Variants in GLYATL2 observed in about 807,000 individuals in gnomAD.
The protein encoded by GLYATL2 is glycine-N-acyltransferase like 2, also known as glycine N-acyltransferase-like protein 2.
GLYATL2 carries 25 observed loss-of-function variants against 21.4 expected under a neutral mutation model. The observed-to-expected ratio is 1.17, with a 90% CI of 0.85 to 1.63. The LOEUF (loss-of-function observed/expected upper bound fraction) is 1.63. GLYATL2 is among the 40% of genes most tolerant of loss of function. The pLI, the probability that GLYATL2 is intolerant of heterozygous loss-of-function variation, is 0.00. For synonymous variants in GLYATL2, 114 were observed against 118.2 expected, an observed-to-expected ratio of 0.96 and a Z score of 0.23; for missense variants, 361 against 343.3, an observed-to-expected ratio of 1.05 and a Z score of -0.41.
chr11:58,863,667 T>C (rs1590731450), intron 1 of GLYATL2, among the ~76,000 whole-genome samples: 1 of 152,142 alleles, frequency 6.6e-6, no homozygotes, highest in Non-Finnish European at 1.5e-5. Flanking sequence ...GAGGCTGGCC[T>C]AGAAGCTGGG....
At chr11:58,906,407 A>C (rs1854886807), upstream of GLYATL2, among the ~76,000 whole-genome samples, 1 of 152,188 alleles carries the variant, frequency 6.6e-6, no homozygotes, top group African/African-American at 2.4e-5. Context: ...GGTTCGGTTA[A>C]GCAGAGCAGA....
At chr11:58,884,479 A>G (rs1249558260) in intron 1 of GLYATL2, among the ~76,000 whole-genome samples, 1 of 152,236 alleles carries the variant, frequency 6.6e-6, no homozygotes, top group Admixed American at 6.5e-5. Context: ...CAAAGAGAAT[A>G]AAATACCTAG....
At chr11:58,894,985 A>G (rs1854610356) in intron 1 of GLYATL2, among the ~76,000 whole-genome samples, 1 of 152,270 alleles carries the variant, frequency 6.6e-6, no homozygotes, top group Non-Finnish European at 1.5e-5. Context: ...TGACAAAAGA[A>G]GACAAAGCGA....
chr11:58,844,743 C>G (rs1326208845), upstream of GLYATL2: 1 of 152,222 alleles, frequency 6.6e-6, no homozygotes, highest in Non-Finnish European at 1.5e-5. Context: ...TATATAACCT[C>G]TTGTAGCTGA....
intron 1 of GLYATL2, among the ~76,000 whole-genome samples, chr11:58,851,974 G>A (rs1053395663): frequency 1.4e-4 from 21 of 152,186 alleles, no homozygotes; most frequent in African/African-American, 5.1e-4. Flanking sequence ...GTCATTGATT[G>A]AGAAAGAGTG....
chr11:58,896,091 G>A (rs1453313661), intron 1 of GLYATL2, among the ~76,000 whole-genome samples: 50 of 152,114 alleles, frequency 3.3e-4, no homozygotes, highest in Non-Finnish European at 5.9e-5. Flanking sequence ...TTCTGACCTT[G>A]TGATCCACCC....
At chr11:58,865,059 G>C (rs1026278345) in intron 1 of GLYATL2, among the ~76,000 whole-genome samples, 1 of 148,704 alleles carries the variant, frequency 6.7e-6, no homozygotes, top group Admixed American at 6.9e-5. Flanking sequence ...GGTTTCATGA[G>C]TATGTATTCA....
intron 1 of GLYATL2, among the ~76,000 whole-genome samples, chr11:58,864,101 A>G (rs1435210442): frequency 6.6e-6 from 1 of 152,138 alleles, no homozygotes; most frequent in Non-Finnish European, 1.5e-5. Flanking sequence ...CCTAGGGTGG[A>G]CTTGGAGTCT....
chr11:58,888,043 C>T (rs1440239681), intron 1 of GLYATL2, among the ~76,000 whole-genome samples: 1 of 152,096 alleles, frequency 6.6e-6, no homozygotes, highest in Admixed American at 6.6e-5. Flanking sequence ...AAGATGGCAT[C>T]TTATTGTAGA....
At chr11:58,840,124 G>T (rs1853518887) in intron 1 of GLYATL2, among the ~76,000 whole-genome samples, 1 of 151,622 alleles carries the variant, frequency 6.6e-6, no homozygotes, top group South Asian at 2.1e-4. Flanking sequence ...AAATCTTGCA[G>T]ACTATATTGT....
At chr11:58,859,374 G>T (rs1299566006) in intron 1 of GLYATL2, among the ~76,000 whole-genome samples, 1 of 152,020 alleles carries the variant, frequency 6.6e-6, no homozygotes, top group Non-Finnish European at 1.5e-5. Context: ...GTGTGATAGA[G>T]TTTTTAAGAT....
At chr11:58,842,753 G>C (rs12225778) in intron 1 of GLYATL2, among the ~76,000 whole-genome samples, 39,431 of 151,828 alleles carry the variant, frequency 0.26, 5,576 homozygotes, top group East Asian at 0.5. Flanking sequence ...ACTCAGTGAG[G>C]CCACCATATT....
intron 1 of GLYATL2, among the ~76,000 whole-genome samples, chr11:58,903,284 G>A (rs1854770184): frequency 6.6e-6 from 1 of 152,138 alleles, no homozygotes; most frequent in African/African-American, 2.4e-5. Flanking sequence ...AAGACACAGG[G>A]AATCTGGGAA....
intron 1 of GLYATL2, among the ~76,000 whole-genome samples, chr11:58,903,242 T>A (rs1433878446): frequency 6.6e-6 from 1 of 151,740 alleles, no homozygotes; most frequent in East Asian, 1.9e-4. Context: ...GGGACAAGAG[T>A]GGTTCAAGGG....
chr11:58,834,357 G>A lies in GLYATL2; in HGVS notation c.*72C>T. 3.9e-6 allele frequency: 5 copies of A among 1,274,208 alleles called. No individual in the cohort carries two copies. Among genetic ancestry groups the A allele is most frequent in the Non-Finnish European group, 5.4e-6 (5 of 920,672 alleles). 78.9% of individuals were successfully genotyped at this position (1,274,208 alleles called of 1,614,324 possible). A position where few individuals can be genotyped will look rare whatever the true frequency, so the allele number is the denominator to read the frequency against. On this transcript the variant is annotated 3_prime_UTR_variant, in exon 6 of 6. Transcript: ENST00000287275. ...ATCAGTTGCATTTTGTGCTAATGTAGATCACAATGCTTGTGTTTGAATTAA... is the reference window on the plus strand; with the variant it reads ...ATCAGTTGCATTTTGTGCTAATGTAAATCACAATGCTTGTGTTTGAATTAA...
At chr11:58,880,563 T>C (rs11229676) in intron 1 of GLYATL2, among the ~76,000 whole-genome samples, 35,598 of 151,882 alleles carry the variant, frequency 0.23, 4,550 homozygotes, top group East Asian at 0.33. Flanking sequence ...GAGAAGACAA[T>C]AGTAAAACAC....
At chr11:58,841,839 T>C (rs1421407760) in intron 1 of GLYATL2, among the ~76,000 whole-genome samples, 2 of 152,104 alleles carry the variant, frequency 1.3e-5, no homozygotes, top group African/African-American at 2.4e-5. Flanking sequence ...AAGATATGAG[T>C]ACTAAAGATG....
intron 1 of GLYATL2, among the ~76,000 whole-genome samples, chr11:58,871,901 C>G (rs145379061): frequency 7.3e-4 from 111 of 152,286 alleles, no homozygotes; most frequent in African/African-American, 2.5e-3. Flanking sequence ...GTCCCACCAG[C>G]GGTGTAAAAG....
chr11:58,860,124 T>G (rs1853905407), intron 1 of GLYATL2, among the ~76,000 whole-genome samples: 1 of 152,130 alleles, frequency 6.6e-6, no homozygotes, highest in Non-Finnish European at 1.5e-5. Context: ...ACACATACAT[T>G]TTTTGGTGTT....
Sources: allele counts gnomAD v4.1 joint callset (sites outside exome capture counted in the v4.1 genomes callset), GRCh38; gene constraint gnomAD v4.1.1; transcripts MANE v1.5; gene names NCBI Gene and HGNC (gene_info 2026-07-23, HGNC 2026-07-21).